Variants in FAM210A observed in about 807,000 individuals in gnomAD.
FAM210A encodes mitochondrial inner membrane scaffold 1, also known as family with sequence similarity 210 member A.
A neutral mutation model predicts 25.3 loss-of-function variants in FAM210A; 13 were observed. The observed-to-expected ratio is 0.51, with a 90% CI of 0.33 to 0.82. The LOEUF (loss-of-function observed/expected upper bound fraction) is 0.82, where lower values mean the gene tolerates loss of function less well. Among genes scored for constraint, FAM210A ranks in the 40% least tolerant of loss-of-function variants. The pLI, the probability that FAM210A is intolerant of heterozygous loss-of-function variation, is 0.02. For synonymous variants in FAM210A, 125 were observed against 118.7 expected, an observed-to-expected ratio of 1.05 and a Z score of -0.35; for missense variants, 319 against 323.2, an observed-to-expected ratio of 0.99 and a Z score of 0.10.
chr18:13,673,816 T>G (rs12605074), intron 2 of FAM210A, among the ~76,000 whole-genome samples: 1 of 149,930 alleles, frequency 6.7e-6, no homozygotes, highest in African/African-American at 2.5e-5. Flanking sequence ...TCCTGAGCCC[T>G]GGCTTCTTTA....
intron 1 of FAM210A, among the ~76,000 whole-genome samples, chr18:13,707,526 C>T (rs1324137235): frequency 3.3e-5 from 5 of 152,144 alleles, no homozygotes. Flanking sequence ...TTTTCAAAAC[C>T]AAGTAAGTAT....
Position 13,666,635 on chromosome 18 carries a change from T to C in FAM210A, c.664A>G (p.Met222Val), listed in dbSNP as rs767364628. The C allele has an allele frequency of 1.9e-6, 3 of 1,614,230 alleles. No individual in the cohort carries two copies. The highest frequency in any genetic ancestry group is 2.2e-5 in the East Asian group (1 of 44,884). ...TCCTTGACGGGTGGCGGCGTGGACA[T>C]GTAGCCATGACTGCGCAGATACTTC... is the stretch of plus-strand genomic sequence containing the variant. ...TVKYLRSHGY[M>V]STPPPVKEYL... The change falls in exon 4 of 4, where the codon ATG (methionine) becomes GTG (valine). Residue 222 changes from methionine to valine, a missense_variant. Met to Val is a conservative substitution (Grantham distance 21). Coordinates refer to ENST00000651643, the MANE Select transcript of FAM210A (RefSeq NM_152352.4).
At position 13,695,109 on chromosome 18, in the gene FAM210A, A is replaced by G. The variant is rs2071601033; in HGVS notation, c.-28-13004T>C. 2.0e-5 allele frequency among the ~76,000 whole-genome samples: 3 copies of G among 152,372 alleles called. No individual in the cohort carries two copies. The South Asian group carries it at 6.2e-4, about 32-fold the overall frequency. ...ATTTATGCAGCCAACAGACACATGA[A>G]AAAATGCTCATCATCACTGGCCATC... On this transcript the variant is annotated intron_variant, in intron 1 of 3. Coordinates refer to ENST00000651643, the MANE Select transcript of FAM210A (RefSeq NM_152352.4).
intron 2 of FAM210A, among the ~76,000 whole-genome samples, chr18:13,681,201 T>A (rs2043550283): frequency 6.6e-6 from 1 of 152,242 alleles, no homozygotes; most frequent in South Asian, 2.1e-4. Flanking sequence ...CAGGATGAGA[T>A]CTGCATATAG....
At chr18:13,672,087 G>A in intron 2 of FAM210A, 114 bp from the exon 3 acceptor site, 1 of 680,538 alleles carries the variant, frequency 1.5e-6, no homozygotes, top group Non-Finnish European at 2.4e-6. Context: ...CTTAAAAGTT[G>A]ATTCTACATT....
chr18:13,690,838 G>A (rs1233091648), intron 1 of FAM210A, among the ~76,000 whole-genome samples: 1 of 152,150 alleles, frequency 6.6e-6, no homozygotes, highest in Non-Finnish European at 1.5e-5. Flanking sequence ...ACTCATCAGA[G>A]CACCTCTTCT....
intron 1 of FAM210A, among the ~76,000 whole-genome samples, chr18:13,682,335 G>A (rs1428530097): frequency 6.6e-6 from 1 of 152,234 alleles, no homozygotes; most frequent in African/African-American, 2.4e-5. Context: ...GGGAGGCCAA[G>A]GCGGGTGGAT....
At chr18:13,691,576 G>T (rs1250138694) in intron 1 of FAM210A, among the ~76,000 whole-genome samples, 1 of 152,088 alleles carries the variant, frequency 6.6e-6, no homozygotes, top group Non-Finnish European at 1.5e-5. Flanking sequence ...AACTCTACAA[G>T]CCAGAAGAGA....
chr18:13,684,910 A>AC (rs750084059), intron 1 of FAM210A, among the ~76,000 whole-genome samples: 90 of 151,826 alleles, frequency 5.9e-4, no homozygotes, highest in East Asian at 9.6e-4. Flanking sequence ...ATAGCCGGGA[A>AC]CTCCCCCCAC....
chr18:13,667,341 G>T (rs1055556806), intron 3 of FAM210A, among the ~76,000 whole-genome samples: 2 of 152,192 alleles, frequency 1.3e-5, no homozygotes, highest in African/African-American at 4.8e-5. Context: ...AACGTTAATT[G>T]GAACTTTTAG....
At chr18:13,681,020 A>G (rs927999213) in intron 2 of FAM210A, among the ~76,000 whole-genome samples, 34 of 152,218 alleles carry the variant, frequency 2.2e-4, no homozygotes, top group African/African-American at 8.0e-4. Flanking sequence ...AATGCAAACA[A>G]ATTAGCCGGA....
At position 13,666,388 on chromosome 18, in the gene FAM210A, T is replaced by C; in HGVS notation, c.*92A>G. On this transcript the variant is annotated 3_prime_UTR_variant, in exon 4 of 4. Coordinates refer to ENST00000651643, the MANE Select transcript of FAM210A (RefSeq NM_152352.4). ...CAGAGAACTAGTATATTTCGGCAACTAACCAAAAAAATAATCAGACACATG... is the reference window on the plus strand; with the variant it reads ...CAGAGAACTAGTATATTTCGGCAACCAACCAAAAAAATAATCAGACACATG... 1 of 1,044,752 alleles carries C rather than the reference T, an allele frequency of 9.6e-7. No homozygotes were observed. The highest frequency in any genetic ancestry group is 1.6e-5 in the African/African-American group (1 of 62,502). The allele number at this position is 1,044,752 out of a possible 1,614,324, so 64.7% of individuals were successfully genotyped here.
intron 1 of FAM210A, among the ~76,000 whole-genome samples, chr18:13,704,702 A>G (rs548998418): frequency 6.6e-6 from 1 of 152,290 alleles, no homozygotes; most frequent in East Asian, 1.9e-4. Context: ...ATAAAAAATT[A>G]TGTTTAACTC....
intron 1 of FAM210A, among the ~76,000 whole-genome samples, chr18:13,708,570 C>T (rs1338645100): frequency 6.6e-6 from 1 of 152,188 alleles, no homozygotes; most frequent in Non-Finnish European, 1.5e-5. Context: ...AAACGTACTC[C>T]TATCACTCAG....
intron 2 of FAM210A, among the ~76,000 whole-genome samples, chr18:13,675,032 CTTT>C (rs1453792971): frequency 8.9e-5 from 11 of 123,664 alleles, no homozygotes; most frequent in Admixed American, 4.1e-4. Context: ...GCCCTGGCTT[CTTT>C]ATTTCCTGTT....
rs1227684986 is a variant in FAM210A, at chr18:13,695,152, AACC to A, written c.-28-13050_-28-13048del. ...TGGCCATCAGAGAAATGCAAATCAA[AACC>A]ACAATGAGATACCATCTCACGCCAG... On this transcript the variant is annotated intron_variant, in intron 1 of 3. Coordinates refer to ENST00000651643, the MANE Select transcript of FAM210A (RefSeq NM_152352.4). 1.1e-4 allele frequency among the ~76,000 whole-genome samples: 16 copies of A among 152,370 alleles called. No homozygotes were observed. In the East Asian group the frequency reaches 1.3e-3, roughly 13 times the overall value.
At chr18:13,691,776 C>T (rs12961866) in intron 1 of FAM210A, among the ~76,000 whole-genome samples, 109,528 of 119,512 alleles carry the variant, frequency 0.92, 50,379 homozygotes, top group East Asian at 0.97. Context: ...AAGGAACAAC[C>T]AGTACCAGCC....
intron 1 of FAM210A, among the ~76,000 whole-genome samples, chr18:13,721,195 G>A (rs116703472): frequency 6.6e-6 from 1 of 152,148 alleles, no homozygotes; most frequent in African/African-American, 2.4e-5. Context: ...CATTCCCGAG[G>A]TAGGACAGTG....
chr18:13,712,012 A>G (rs1269939628), intron 1 of FAM210A, among the ~76,000 whole-genome samples: 1 of 152,234 alleles, frequency 6.6e-6, no homozygotes, highest in African/African-American at 2.4e-5. Flanking sequence ...TGTGCAAACT[A>G]GAGAAGCTGT....
Sources: allele counts gnomAD v4.1 joint callset (sites outside exome capture counted in the v4.1 genomes callset), GRCh38; gene constraint gnomAD v4.1.1; transcripts MANE v1.5; gene names NCBI Gene and HGNC (gene_info 2026-07-23, HGNC 2026-07-21).